HCN1: variants seen among roughly 807,000 people sequenced by gnomAD.
The protein encoded by HCN1 is potassium/sodium hyperpolarization-activated cyclic nucleotide-gated channel 1.
HCN1 carries 13 observed loss-of-function variants against 78.9 expected under a neutral mutation model. The ratio of observed to expected loss-of-function variants is 0.16; its 90% confidence interval spans 0.11 to 0.26. The LOEUF (loss-of-function observed/expected upper bound fraction) is 0.26, where lower values mean the gene tolerates loss of function less well. Ranked by LOEUF, HCN1 falls within the 10% of genes least tolerant of loss-of-function variation. The pLI, the probability that HCN1 is intolerant of heterozygous loss-of-function variation, is 1.00. For synonymous variants in HCN1, 552 were observed against 455.5 expected, an observed-to-expected ratio of 1.21 and a Z score of -2.70; for missense variants, 810 against 1,154.3, an observed-to-expected ratio of 0.70 and a Z score of 4.32.
At chr5:45,470,941 C>T (rs1222607653) in intron 2 of HCN1, among the ~76,000 whole-genome samples, 1 of 151,812 alleles carries the variant, frequency 6.6e-6, no homozygotes, top group East Asian at 1.9e-4. Flanking sequence ...CATGTAATTT[C>T]CTCACTCTGT....
chr5:45,324,529 A>T (rs772098439), intron 5 of HCN1, among the ~76,000 whole-genome samples: 25 of 151,946 alleles, frequency 1.6e-4, no homozygotes, highest in Non-Finnish European at 3.2e-4. Flanking sequence ...GTGGAGAAAT[A>T]GGAACACTTT....
intron 2 of HCN1, among the ~76,000 whole-genome samples, chr5:45,544,311 T>C (rs1743163409): frequency 6.6e-6 from 1 of 152,110 alleles, no homozygotes; most frequent in African/African-American, 2.4e-5. Context: ...CACAGAGAAA[T>C]TTCTAGAATC....
intron 2 of HCN1, among the ~76,000 whole-genome samples, chr5:45,518,638 C>G (rs1346845683): frequency 6.6e-6 from 1 of 151,942 alleles, no homozygotes; most frequent in Non-Finnish European, 1.5e-5. Context: ...CCTTCAGGGG[C>G]TGAAGAGAAT....
chr5:45,293,768 G>C (rs111573728), intron 6 of HCN1, among the ~76,000 whole-genome samples: 1 of 151,920 alleles, frequency 6.6e-6, no homozygotes. Context: ...TCTGAGGTGA[G>C]GATAAAGTGA....
At chr5:45,633,456 GAT>G (rs1745303754) in intron 2 of HCN1, among the ~76,000 whole-genome samples, 2 of 151,928 alleles carry the variant, frequency 1.3e-5, no homozygotes, top group African/African-American at 2.4e-5. Flanking sequence ...TTTCTAAATA[GAT>G]AGTGGAGGTC....
chr5:45,409,023 T>A (rs952550583), intron 3 of HCN1, among the ~76,000 whole-genome samples: 3 of 152,130 alleles, frequency 2.0e-5, no homozygotes, highest in African/African-American at 7.2e-5. Flanking sequence ...GGAATTCTTT[T>A]ACCATATATG....
intron 2 of HCN1, among the ~76,000 whole-genome samples, chr5:45,577,398 T>G (rs1294330038): frequency 6.6e-6 from 1 of 152,072 alleles, no homozygotes; most frequent in East Asian, 1.9e-4. Context: ...GAATTAGCTG[T>G]GCTATGTCAT....
intron 3 of HCN1, among the ~76,000 whole-genome samples, chr5:45,433,564 C>T (rs943294516): frequency 6.6e-6 from 1 of 151,744 alleles, no homozygotes; most frequent in Non-Finnish European, 1.5e-5. Flanking sequence ...GGGCATTTAG[C>T]CTATTTACAT....
chr5:45,348,521 A>C (rs2111975983), intron 5 of HCN1, among the ~76,000 whole-genome samples: 1 of 152,332 alleles, frequency 6.6e-6, no homozygotes, highest in South Asian at 2.1e-4. Context: ...TAACGATATT[A>C]ACTTTAAATG....
At chr5:45,532,431 C>T (rs1742873392) in intron 2 of HCN1, among the ~76,000 whole-genome samples, 1 of 152,096 alleles carries the variant, frequency 6.6e-6, no homozygotes, top group African/African-American at 2.4e-5. Flanking sequence ...TGATTTCCAA[C>T]CTTTAAGCTA....
chr5:45,668,033 G>C (rs1466996046), intron 1 of HCN1, among the ~76,000 whole-genome samples: 1 of 151,930 alleles, frequency 6.6e-6, no homozygotes, highest in Non-Finnish European at 1.5e-5. Context: ...TTTTCTGGTA[G>C]CTAACCCAGG....
At chr5:45,529,750 TC>T (rs1742802335) in intron 2 of HCN1, among the ~76,000 whole-genome samples, 1 of 152,258 alleles carries the variant, frequency 6.6e-6, no homozygotes, top group East Asian at 1.9e-4. Context: ...CAGCTGTCAA[TC>T]ACTTTTGATG....
At chr5:45,584,431 G>T (rs1301724257) in intron 2 of HCN1, among the ~76,000 whole-genome samples, 3 of 152,216 alleles carry the variant, frequency 2.0e-5, no homozygotes, top group African/African-American at 7.2e-5. Context: ...TTCTCTGCAC[G>T]TGAGATGGGT....
chr5:45,285,296 G>A (rs1396658467), intron 6 of HCN1, among the ~76,000 whole-genome samples: 1 of 151,978 alleles, frequency 6.6e-6, no homozygotes, highest in Non-Finnish European at 1.5e-5. Context: ...CATGGCTAAT[G>A]CAAAGAATTG....
intron 4 of HCN1, among the ~76,000 whole-genome samples, chr5:45,365,389 C>A (rs1236611046): frequency 1.3e-5 from 2 of 151,892 alleles, no homozygotes; most frequent in Non-Finnish European, 2.9e-5. Flanking sequence ...TTATCTCTAT[C>A]TTTATGTCCA....
intron 2 of HCN1, among the ~76,000 whole-genome samples, chr5:45,573,807 T>G (rs1743882842): frequency 6.6e-6 from 1 of 152,006 alleles, no homozygotes; most frequent in Non-Finnish European, 1.5e-5. Context: ...TTAAGAGAGG[T>G]TTCTGAAAAA....
intron 4 of HCN1, among the ~76,000 whole-genome samples, chr5:45,369,511 C>G (rs1246244021): frequency 6.6e-6 from 1 of 152,080 alleles, no homozygotes; most frequent in Non-Finnish European, 1.5e-5. Flanking sequence ...CACTCAGCCC[C>G]AGCCTGATTG....
chr5:45,666,336 G>A (rs1746048094), intron 1 of HCN1, among the ~76,000 whole-genome samples: 1 of 151,998 alleles, frequency 6.6e-6, no homozygotes, highest in Admixed American at 6.6e-5. Context: ...GTGTCCTAAA[G>A]ATATTTATTC....
rs180790607 is a variant in HCN1, at chr5:45,303,695, C to T, written c.1522G>A (p.Val508Met). The change falls in exon 6 of 8, where the codon GTG (valine) becomes ATG (methionine). Residue 508 changes from valine (V) to methionine (M), a missense_variant. By Grantham distance (21) the Val-to-Met change is conservative. This residue lies in a region of HCN1 where 100 missense variants were observed against 126.8 expected (regional missense o/e 0.79). Transcript: ENST00000303230. ...PGDYIIREGA[V>M]GKKMYFIQHG... ...TGAATGAAATACATTTTTTTACCCA[C>T]GGCTCCTTCTCGTATGATATAATCT... 72 of 1,613,562 alleles carry T rather than the reference C, an allele frequency of 4.5e-5. No individual in the cohort carries two copies. Among genetic ancestry groups the T allele is most frequent in the Non-Finnish European group, 5.3e-5 (62 of 1,179,700 alleles).
Sources: gnomAD v4.1 joint callset for allele counts (sites outside exome capture counted in the v4.1 genomes callset) on GRCh38, gnomAD v4.1.1 for gene constraint, gnomAD v4.1.1 regional missense constraint, MANE v1.5 for transcripts, NCBI Gene and HGNC (gene_info 2026-07-23, HGNC 2026-07-21) for gene names.